Variants in CEP85L observed in about 807,000 individuals in gnomAD.
CEP85L encodes centrosomal protein of 85 kDa-like.
A neutral mutation model predicts 100.3 loss-of-function variants in CEP85L; 60 were observed. The observed-to-expected ratio is 0.60, with a 90% CI of 0.49 to 0.74. CEP85L has a LOEUF of 0.74. CEP85L is among the 30% of genes least tolerant of loss of function. The pLI, the probability that CEP85L is intolerant of heterozygous loss-of-function variation, is 0.00. For synonymous variants in CEP85L, 319 were observed against 322.7 expected (o/e 0.99, Z 0.12); for missense variants, 973 against 936.2 (o/e 1.04, Z -0.51).
At chr6:118,669,424 G>A (rs530769361) in intron 1 of CEP85L, among the ~76,000 whole-genome samples, 1 of 151,838 alleles carries the variant, frequency 6.6e-6, no homozygotes, top group Admixed American at 6.6e-5. Flanking sequence ...GTATTCCGTT[G>A]TTGTTCCAAC....
At chr6:118,640,524 T>G (rs978411745) in intron 1 of CEP85L, among the ~76,000 whole-genome samples, 5 of 152,158 alleles carry the variant, frequency 3.3e-5, no homozygotes, top group Non-Finnish European at 7.4e-5. Context: ...TAAAGTTTTT[T>G]GTTGTTGTTA....
At chr6:118,483,905 A>G in intron 6 of CEP85L, 47 bp from the exon 7 acceptor site, 4 of 1,562,468 alleles carry the variant, frequency 2.6e-6, no homozygotes, top group Non-Finnish European at 1.7e-6. Context: ...AGTCATTAAA[A>G]GATATAACAA....
chr6:118,539,216 G>C (rs547691878), intron 3 of CEP85L, among the ~76,000 whole-genome samples: 2 of 152,256 alleles, frequency 1.3e-5, no homozygotes, highest in South Asian at 4.1e-4. Context: ...GCATAATAAT[G>C]TTCCTGTAAA....
At chr6:118,504,727 C>G (rs531303320) in intron 5 of CEP85L, among the ~76,000 whole-genome samples, 1 of 152,192 alleles carries the variant, frequency 6.6e-6, no homozygotes, top group African/African-American at 2.4e-5. Flanking sequence ...TTGAAATTGG[C>G]ATCTGAAGTG....
At chr6:118,476,630 G>A (rs1431905290) in intron 10 of CEP85L, among the ~76,000 whole-genome samples, 1 of 152,154 alleles carries the variant, frequency 6.6e-6, no homozygotes, top group Non-Finnish European at 1.5e-5. Flanking sequence ...AAGGATTTAT[G>A]AGATTTGCTA....
At chr6:118,592,618 G>A (rs1406186681) in intron 2 of CEP85L, among the ~76,000 whole-genome samples, 1 of 152,010 alleles carries the variant, frequency 6.6e-6, no homozygotes, top group African/African-American at 2.4e-5. Context: ...AAGCAGAACA[G>A]GCTAGAAAAT....
At chr6:118,513,365 AAC>A (rs1379374585) in intron 4 of CEP85L, among the ~76,000 whole-genome samples, 1 of 152,142 alleles carries the variant, frequency 6.6e-6, no homozygotes, top group Non-Finnish European at 1.5e-5. Context: ...AAGCCCAGTG[AAC>A]CCCAAATAAA....
At chr6:118,632,418 A>G in intron 2 of CEP85L, 35 bp downstream of exon 2, 2 of 1,523,534 alleles carry the variant, frequency 1.3e-6, no homozygotes, top group Non-Finnish European at 1.8e-6. Flanking sequence ...CACTCTTCAA[A>G]GATTCATATA....
In CEP85L at chr6:118,562,365, T is replaced by G. The variant is rs374497563; in HGVS notation, c.1020+3164A>C. ...TTTACTTTAACTCATTTTATCAATT[T>G]TTTTTTTTTAAATCAAGAGACAGGG... On this transcript the variant is annotated intron_variant, in intron 3 of 12. Transcript: ENST00000368491. Among the ~76,000 whole-genome samples the G allele has an allele frequency of 8.6e-4, 131 of 152,226 alleles. 4 individuals carry two copies. In the South Asian group the frequency reaches 0.025, roughly 29 times the overall value.
rs534746409 is a variant in CEP85L at position 118,543,168 on chromosome 6, AT to A, written c.1021-19249del. ...AATCAAAGCCAATTAATTAAACTCA[AT>A]TTGTTGAAATTGTTTTTTGATGTTA... On this transcript the variant is annotated intron_variant, in intron 3 of 12. Transcript: ENST00000368491. Among the ~76,000 whole-genome samples the A allele has an allele frequency of 1.6e-4, 12 of 75,158 alleles. 1 individual carries two copies. The South Asian group carries it at 4.7e-3, about 29-fold the overall frequency. The allele number at this position is 75,158 out of a possible 152,430, so 49.3% of individuals were successfully genotyped here.
chr6:118,617,912 G>A (rs1317049093), intron 2 of CEP85L, among the ~76,000 whole-genome samples: 1 of 152,096 alleles, frequency 6.6e-6, no homozygotes, highest in Non-Finnish European at 1.5e-5. Flanking sequence ...GAATTCGGAG[G>A]CTAAACACTG....
intron 4 of CEP85L, 35 bp downstream of exon 4, chr6:118,523,767 G>T: frequency 1.0e-6 from 1 of 991,192 alleles, no homozygotes. Flanking sequence ...AATTTCTGTA[G>T]GCCTGAAATA....
intron 4 of CEP85L, 124 bp from the exon 5 acceptor site, chr6:118,511,539 G>T: frequency 1.7e-6 from 1 of 590,658 alleles, no homozygotes; most frequent in Non-Finnish European, 2.9e-6. Flanking sequence ...GTCACACCTT[G>T]CTTTCTTCAA....
At chr6:118,613,574 T>C (rs1772799579) in intron 2 of CEP85L, among the ~76,000 whole-genome samples, 3 of 151,876 alleles carry the variant, frequency 2.0e-5, no homozygotes, top group South Asian at 2.1e-4. Context: ...CTGGTCAACA[T>C]GGCAAAATCC....
intron 3 of CEP85L, chr6:118,559,437 T>G (rs1475998420): frequency 3.3e-6 from 1 of 299,180 alleles, no homozygotes; most frequent in Non-Finnish European, 6.8e-6. Context: ...TAAAGCATTA[T>G]TTTTACTCTT....
chr6:118,521,636 T>C (rs1776672788), intron 4 of CEP85L, among the ~76,000 whole-genome samples: 1 of 152,176 alleles, frequency 6.6e-6, no homozygotes, highest in South Asian at 2.1e-4. Flanking sequence ...GAGCCAGTTC[T>C]GAGTCTAAGC....
intron 2 of CEP85L, among the ~76,000 whole-genome samples, chr6:118,577,901 C>T (rs1212859577): frequency 6.6e-6 from 1 of 152,174 alleles, no homozygotes; most frequent in Non-Finnish European, 1.5e-5. Context: ...CTGCATCATA[C>T]CTTGTATTCG....
intron 11 of CEP85L, among the ~76,000 whole-genome samples, 154 bp from the exon 12 acceptor site, chr6:118,469,457 G>GA (rs1447768541): frequency 8.6e-5 from 13 of 151,838 alleles, no homozygotes; most frequent in Admixed American, 3.9e-4. Flanking sequence ...TATGCAGTGG[G>GA]AAAAAAAACA....
chr6:118,523,430 G>A (rs1562227256), intron 4 of CEP85L, among the ~76,000 whole-genome samples: 1 of 152,198 alleles, frequency 6.6e-6, no homozygotes, highest in Non-Finnish European at 1.5e-5. Context: ...TAAAGGAAAT[G>A]ACTGCTTTAA....
Sources: allele counts gnomAD v4.1 joint callset (sites outside exome capture counted in the v4.1 genomes callset), GRCh38; gene constraint gnomAD v4.1.1; transcripts MANE v1.5; gene names NCBI Gene and HGNC (gene_info 2026-07-23, HGNC 2026-07-21).